ARGLU1: variants seen among roughly 807,000 people sequenced by gnomAD.
The protein encoded by ARGLU1 is arginine and glutamate-rich protein 1.
ARGLU1 carries 9 observed loss-of-function variants against 37.6 expected under a neutral mutation model. The ratio of observed to expected loss-of-function variants is 0.24; its 90% CI spans 0.14 to 0.42. ARGLU1 has a LOEUF of 0.42. ARGLU1 is among the 10% of genes least tolerant of loss of function. ARGLU1 has a pLI of 1.00. For missense variants in ARGLU1, 211 were observed against 359.2 expected, an observed-to-expected ratio of 0.59 and a Z score of 3.34; for synonymous variants, 166 against 138.5, an observed-to-expected ratio of 1.20 and a Z score of -1.39.
In ARGLU1 at chr13:106,567,878, G is replaced by C. The variant is rs1566477429; in HGVS notation, c.42C>G (p.His14Gln). The change falls in exon 1 of 4, where the codon CAC becomes CAG. Residue 14 changes from histidine to glutamine, a missense_variant. By Grantham distance (24) the His-to-Gln change is conservative. Transcript: ENST00000400198. The surrounding 1 kb of genome is among the most constrained non-coding windows in gnomAD (Gnocchi z 4.3). ...TCTTGTTGTGCTTGCTGCTCTTGGT[G>C]TGCTTGGAGCGGGACGAGCTCCGGC... ...SRSRSSSRSK[H>Q]TKSSKHNKKR... The C allele has an allele frequency of 6.2e-7, 1 of 1,612,180 alleles. No individual in the cohort carries two copies.
At chr13:106,561,621 C>A (rs577241052) in intron 1 of ARGLU1, among the ~76,000 whole-genome samples, 35 of 152,082 alleles carry the variant, frequency 2.3e-4, no homozygotes, top group Non-Finnish European at 2.1e-4. Context: ...TAACACAGTT[C>A]CAATTAAAAT....
intron 3 of ARGLU1, among the ~76,000 whole-genome samples, chr13:106,546,260 C>T (rs996449618): frequency 1.3e-5 from 2 of 152,226 alleles, no homozygotes; most frequent in African/African-American, 4.8e-5. Flanking sequence ...ACTGCTCACT[C>T]TTTCTTGTTC....
chr13:106,554,566 CAT>C lies in ARGLU1; in HGVS notation c.657+2480_657+2481del, dbSNP rs572662461. Among the ~76,000 whole-genome samples the C allele has an allele frequency of 3.3e-4, 51 of 152,280 alleles. No individual in the cohort carries two copies. The South Asian group carries it at 0.011, about 32-fold the overall frequency. ...AAGAATACCCTACTTTTCCTGCCAG[CAT>C]ATGACTACCAACAGAACCAAATAAA... On this transcript the variant is annotated intron_variant, in intron 3 of 3. Transcript: ENST00000400198.
intron 3 of ARGLU1, among the ~76,000 whole-genome samples, chr13:106,544,554 G>GATC (rs3837549): frequency 0.34 from 52,272 of 151,812 alleles, 9,633 homozygotes; most frequent in African/African-American, 0.48. Context: ...CACATGTTGA[G>GATC]ATGACAGATT....
Position 106,557,958 on chromosome 13 carries a change from G to A in ARGLU1, c.574-827C>T, listed in dbSNP as rs1401121617. 2 of 985,248 alleles carry A rather than the reference G, an allele frequency of 2.0e-6. No homozygotes were observed. Among genetic ancestry groups the A allele is most frequent in the Admixed American group, 6.1e-5 (1 of 16,262 alleles). The allele number at this position is 985,248 out of a possible 1,614,324, so 61.0% of individuals were successfully genotyped here. On this transcript the variant is annotated intron_variant, in intron 2 of 3. Transcript: ENST00000400198. The surrounding 1 kb of genome is among the most constrained non-coding windows in gnomAD (Gnocchi z 5.0). ...CAGAAATCCAGGGGATGCATGGTCA[G>A]GAAATAAAATTCTTCAACTTATTTT...
At chr13:106,544,817 A>C (rs1436416179) in intron 3 of ARGLU1, among the ~76,000 whole-genome samples, 1 of 152,226 alleles carries the variant, frequency 6.6e-6, no homozygotes, top group Non-Finnish European at 1.5e-5. Flanking sequence ...GAAACACGAC[A>C]GACCCAATTA....
chr13:106,558,360 C>T (rs1037677350), intron 2 of ARGLU1: 2 of 985,066 alleles, frequency 2.0e-6, no homozygotes, highest in African/African-American at 1.7e-5. Flanking sequence ...AAAAGCTAAG[C>T]TTACCAGAAA....
chr13:106,557,035 G>A lies in ARGLU1; in HGVS notation c.657+13C>T, dbSNP rs754960323. 1.2e-6 allele frequency: 2 copies of A among 1,605,746 alleles called. No homozygotes were observed. Among genetic ancestry groups the A allele is most frequent in the Non-Finnish European group, 1.7e-6 (2 of 1,172,596 alleles). On this transcript the variant is annotated intron_variant, in intron 3 of 3. Coordinates refer to ENST00000400198, the MANE Select transcript of ARGLU1 (RefSeq NM_018011.4). The surrounding 1 kb of genome is among the most constrained non-coding windows in gnomAD (Gnocchi z 5.0). ...AAAATACAAAACACTTTTCATGTAT[G>A]CTTTACACTTACCAGTTTGGCTTGT...
At chr13:106,558,034 T>C (rs1482311090) in intron 2 of ARGLU1, 4 of 985,278 alleles carry the variant, frequency 4.1e-6, no homozygotes, top group African/African-American at 1.7e-5. Context: ...TGAAGACTGC[T>C]TGATGGCTTG....
rs911792752 is a variant in ARGLU1 at position 106,543,868 on chromosome 13, T to G, written c.*128A>C. On this transcript the variant is annotated 3_prime_UTR_variant, in exon 4 of 4. Transcript: ENST00000400198. ...GGGAATTGCAGAGCATAGCCCCTAT[T>G]AGAACAAGCTAACTTTCCAGATTTT... The G allele has an allele frequency of 4.5e-6, 4 of 880,534 alleles. No homozygotes were observed. Among genetic ancestry groups the G allele is most frequent in the African/African-American group, 1.8e-5 (1 of 55,912 alleles). 54.5% of individuals were successfully genotyped at this position (880,534 alleles called of 1,614,324 possible).
chr13:106,564,607 C>A (rs140175012), intron 1 of ARGLU1, among the ~76,000 whole-genome samples: 2 of 152,184 alleles, frequency 1.3e-5, no homozygotes, highest in African/African-American at 4.8e-5. Context: ...CTCTTCCTAA[C>A]TGCAAATACA....
At chr13:106,565,790 T>C (rs1880946130) in intron 1 of ARGLU1, among the ~76,000 whole-genome samples, 1 of 152,210 alleles carries the variant, frequency 6.6e-6, no homozygotes, top group Non-Finnish European at 1.5e-5. Flanking sequence ...CCCTCCTAAA[T>C]ACTATTGGCA....
chr13:106,564,303 G>A (rs1451075209), intron 1 of ARGLU1, among the ~76,000 whole-genome samples: 1 of 152,162 alleles, frequency 6.6e-6, no homozygotes, highest in Non-Finnish European at 1.5e-5. Context: ...TACATGCCAA[G>A]TATCACCTAC....
chr13:106,546,930 G>A (rs1005200223), intron 3 of ARGLU1, among the ~76,000 whole-genome samples: 1 of 152,162 alleles, frequency 6.6e-6, no homozygotes, highest in Non-Finnish European at 1.5e-5. Context: ...AACTGGCATT[G>A]TTAACAGTAT....
chr13:106,544,298 T>A, intron 3 of ARGLU1, 138 bp from the exon 4 acceptor site: 1 of 605,434 alleles, frequency 1.7e-6, no homozygotes, highest in Non-Finnish European at 2.6e-6. Flanking sequence ...AAACAAGGAC[T>A]TCCTATGAAT....
intron 1 of ARGLU1, among the ~76,000 whole-genome samples, chr13:106,566,581 A>T (rs1040415559): frequency 2.0e-5 from 3 of 152,240 alleles, no homozygotes; most frequent in Non-Finnish European, 2.9e-5. Context: ...AAGTACGATG[A>T]TCATAAAGCA....
chr13:106,557,725 T>C lies in ARGLU1; in HGVS notation c.574-594A>G. 9 of 1,382,250 alleles carry C rather than the reference T, an allele frequency of 6.5e-6. No individual in the cohort carries two copies. Among genetic ancestry groups the C allele is most frequent in the South Asian group, 5.3e-5 (3 of 56,630 alleles). 85.6% of individuals were successfully genotyped at this position (1,382,250 alleles called of 1,614,324 possible). A position where few individuals can be genotyped will look rare whatever the true frequency, so the allele number is the denominator to read the frequency against. On this transcript the variant is annotated intron_variant, in intron 2 of 3. Transcript: ENST00000400198. The surrounding 1 kb of genome is among the most constrained non-coding windows in gnomAD (Gnocchi z 5.0). The stretch of plus-strand genomic sequence containing the variant: ...CTGAGCTGAGGAATGCAGATGTTTA[T>C]GGTAAGAAGGAACAAAAAATGTAAT...
intron 3 of ARGLU1, among the ~76,000 whole-genome samples, chr13:106,545,227 T>A (rs1880360587): frequency 1.3e-5 from 2 of 152,154 alleles, no homozygotes; most frequent in African/African-American, 4.8e-5. Flanking sequence ...AATGATCCAA[T>A]CAGTGCCAAA....
chr13:106,567,563 G>A lies in ARGLU1; in HGVS notation c.347+10C>T, dbSNP rs768539446. 5 of 1,577,848 alleles carry A rather than the reference G, an allele frequency of 3.2e-6. No homozygotes were observed. Among genetic ancestry groups the A allele is most frequent in the African/African-American group, 1.4e-5 (1 of 74,046 alleles). The stretch of plus-strand genomic sequence containing the variant: ...CGCACGCCCCGGTCCCTCCCCGCGC[G>A]GGCACTCACATTTTTCGCTGCCGCT... On this transcript the variant is annotated intron_variant, in intron 1 of 3. Transcript: ENST00000400198. The surrounding 1 kb of genome is among the most constrained non-coding windows in gnomAD (Gnocchi z 4.3).
Sources: allele counts gnomAD v4.1 joint callset (sites outside exome capture counted in the v4.1 genomes callset), GRCh38; gene constraint gnomAD v4.1.1; non-coding constraint Gnocchi (gnomAD v3.1); transcripts MANE v1.5; gene names NCBI Gene and HGNC (gene_info 2026-07-23, HGNC 2026-07-21).